Variants in MDGA2 observed in about 807,000 individuals in gnomAD.
MDGA2 encodes the protein MAM domain containing glycosylphosphatidylinositol anchor 2.
In MDGA2, 40 loss-of-function variants were observed where a neutral mutation model predicts 117.8. The observed-to-expected ratio is 0.34, with a 90% confidence interval of 0.26 to 0.44. The LOEUF (loss-of-function observed/expected upper bound fraction) is 0.44, where lower values mean the gene tolerates loss of function less well. MDGA2 is among the 20% of genes least tolerant of loss of function. MDGA2 has a pLI of 1.00. For missense variants in MDGA2, 1,123 were observed against 1,250.6 expected (o/e 0.90, Z 1.54); for synonymous variants, 452 against 439.0 (o/e 1.03, Z -0.37).
In MDGA2 at chr14:46,898,956, A is replaced by G. The variant is rs146175501; in HGVS notation, c.2239-16735T>C. ...TAATTAAAAAGAAAACACAAGAAAAACTAACAGAATCTCTGCCCCTCCCCA... is the reference window on the plus strand; with the variant it reads ...TAATTAAAAAGAAAACACAAGAAAAGCTAACAGAATCTCTGCCCCTCCCCA... On this transcript the variant is annotated intron_variant, in intron 10 of 16. Transcript: ENST00000399232. 3.7e-3 allele frequency among the ~76,000 whole-genome samples: 566 copies of G among 152,174 alleles called. 4 individuals carry two copies. The highest frequency in any genetic ancestry group is 0.013 in the African/African-American group (544 of 41,560).
chr14:46,951,378 T>C (rs1885365722), intron 9 of MDGA2, among the ~76,000 whole-genome samples: 1 of 152,038 alleles, frequency 6.6e-6, no homozygotes, highest in African/African-American at 2.4e-5. Context: ...TTTCATATAT[T>C]TGTGTAATTC....
intron 8 of MDGA2, among the ~76,000 whole-genome samples, chr14:46,999,313 T>G (rs1322936142): frequency 6.6e-6 from 1 of 152,018 alleles, no homozygotes; most frequent in Non-Finnish European, 1.5e-5. Context: ...TTTCCAATTC[T>G]TGAGATCATA....
chr14:47,135,434 C>T (rs977971158), intron 4 of MDGA2, among the ~76,000 whole-genome samples: 4 of 151,988 alleles, frequency 2.6e-5, no homozygotes, highest in Non-Finnish European at 4.4e-5. Context: ...TTAATAAATT[C>T]TAGATTATCC....
In MDGA2 at chr14:47,623,556, G is replaced by A. The variant is rs531960390; in HGVS notation, c.280+50961C>T. 2.8e-4 allele frequency among the ~76,000 whole-genome samples: 42 copies of A among 152,260 alleles called. 1 individual carries two copies. The South Asian group carries it at 8.5e-3, about 31-fold the overall frequency. On this transcript the variant is annotated intron_variant, in intron 1 of 16. Coordinates refer to ENST00000399232, the MANE Select transcript of MDGA2 (RefSeq NM_001113498.3). Reference sequence around the variant, plus strand: ...CAGCAGAGGCAGGCATGTCTTAAGTGATCTAAGGGGGTATTACTACTTTAT... The same window carrying A: ...CAGCAGAGGCAGGCATGTCTTAAGTAATCTAAGGGGGTATTACTACTTTAT...
rs116601194 is a variant in MDGA2 at position 47,409,079 on chromosome 14, G to C, written c.281-107529C>G. Among the ~76,000 whole-genome samples, 219 of 152,270 alleles carry C rather than the reference G, an allele frequency of 1.4e-3. 1 individual carries two copies. The highest frequency in any genetic ancestry group is 4.9e-3 in the African/African-American group (205 of 41,572). ...TGGCGATAAAACCAGAAAGGCGGGG[G>C]GGACTGGATCATGGCCCTTGGAAAC... On this transcript the variant is annotated intron_variant, in intron 1 of 16. Transcript: ENST00000399232.
chr14:47,465,553 C>G (rs1893585581), intron 1 of MDGA2, among the ~76,000 whole-genome samples: 1 of 152,004 alleles, frequency 6.6e-6, no homozygotes, highest in South Asian at 2.1e-4. Context: ...AGAAGACATA[C>G]ATGTGGCCAA....
intron 9 of MDGA2, among the ~76,000 whole-genome samples, chr14:46,934,722 C>T (rs1231393998): frequency 6.6e-6 from 1 of 152,066 alleles, no homozygotes; most frequent in Non-Finnish European, 1.5e-5. Context: ...AATCAGAAAT[C>T]CCTCCTTATG....
intron 1 of MDGA2, among the ~76,000 whole-genome samples, chr14:47,400,758 C>CTTTTTTTTTT (rs570103742): frequency 1.5e-5 from 1 of 66,212 alleles, no homozygotes; most frequent in African/African-American, 5.4e-5. Flanking sequence ...CTTTTCTTTT[C>CTTTTTTTTTT]TTTTTTTTTT....
At chr14:47,045,781 A>G (rs1889237835) in intron 7 of MDGA2, among the ~76,000 whole-genome samples, 2 of 152,112 alleles carry the variant, frequency 1.3e-5, no homozygotes, top group Non-Finnish European at 2.9e-5. Flanking sequence ...CCTGGCCAAC[A>G]TGCAGTAACC....
At chr14:47,442,512 G>C (rs763747359) in intron 1 of MDGA2, among the ~76,000 whole-genome samples, 1 of 152,116 alleles carries the variant, frequency 6.6e-6, no homozygotes. Context: ...CACTGGAGAT[G>C]AGGTCAGTAG....
chr14:47,247,212 T>G (rs1887270525), intron 2 of MDGA2, among the ~76,000 whole-genome samples: 1 of 151,670 alleles, frequency 6.6e-6, no homozygotes, highest in African/African-American at 2.4e-5. Flanking sequence ...GGGTAGTATT[T>G]AAACGAAGGA....
At chr14:46,912,512 C>T (rs1194392372) in intron 10 of MDGA2, among the ~76,000 whole-genome samples, 1 of 152,168 alleles carries the variant, frequency 6.6e-6, no homozygotes, top group Non-Finnish European at 1.5e-5. Flanking sequence ...GCTCCCCTAT[C>T]ACTCCAGCCT....
At chr14:47,622,304 A>G (rs1705644484) in intron 1 of MDGA2, among the ~76,000 whole-genome samples, 1 of 152,192 alleles carries the variant, frequency 6.6e-6, no homozygotes, top group African/African-American at 2.4e-5. Context: ...TGAACACTTA[A>G]CTATGAGTCA....
At chr14:47,403,695 G>A (rs911679346) in intron 1 of MDGA2, among the ~76,000 whole-genome samples, 1 of 152,100 alleles carries the variant, frequency 6.6e-6, no homozygotes, top group Non-Finnish European at 1.5e-5. Context: ...GAATTTGCGT[G>A]CTTTAGCTTT....
rs76406902 is a variant in MDGA2 at position 47,241,998 on chromosome 14, T to C, written c.421-23803A>G. On this transcript the variant is annotated intron_variant, in intron 2 of 16. Transcript: ENST00000399232. ...AGGCCATTGTGAAGAAAAAATGAGA[T>C]GGTGCATAGAAAATGACAATAGGTG... is the stretch of plus-strand genomic sequence containing the variant. Among the ~76,000 whole-genome samples, 14 of 151,962 alleles carry C rather than the reference T, an allele frequency of 9.2e-5. 1 individual carries two copies. The East Asian group carries it at 2.5e-3, about 27-fold the overall frequency.
intron 1 of MDGA2, among the ~76,000 whole-genome samples, chr14:47,315,864 A>G (rs372908266): frequency 5.3e-5 from 8 of 152,230 alleles, no homozygotes; most frequent in African/African-American, 1.9e-4. Flanking sequence ...TATTCTTTCA[A>G]TAATAATTTT....
intron 5 of MDGA2, among the ~76,000 whole-genome samples, chr14:47,099,300 T>C (rs570090437): frequency 2.0e-5 from 3 of 152,104 alleles, no homozygotes; most frequent in South Asian, 4.1e-4. Flanking sequence ...TTTAAAACTA[T>C]AAGGCTTTGC....
chr14:47,572,577 C>A (rs959484423), intron 1 of MDGA2, among the ~76,000 whole-genome samples: 6 of 152,076 alleles, frequency 3.9e-5, no homozygotes, highest in Non-Finnish European at 7.4e-5. Context: ...GCAGAGTTGG[C>A]TTACAAAGGA....
intron 15 of MDGA2, among the ~76,000 whole-genome samples, chr14:46,847,237 T>C (rs973668987): frequency 1.3e-5 from 2 of 152,074 alleles, no homozygotes; most frequent in African/African-American, 4.8e-5. Flanking sequence ...TTTTCATGAT[T>C]TGATAGCAGA....
Sources: allele counts gnomAD v4.1 joint callset (sites outside exome capture counted in the v4.1 genomes callset), GRCh38; gene constraint gnomAD v4.1.1; transcripts MANE v1.5; gene names NCBI Gene and HGNC (gene_info 2026-07-23, HGNC 2026-07-21).